Variants in CCDC33 observed in about 807,000 individuals in gnomAD.
The protein encoded by CCDC33 is coiled-coil domain-containing protein 33.
In CCDC33, 94 loss-of-function variants were observed where a neutral mutation model predicts 91.9. That is an observed-to-expected ratio of 1.02 (90% confidence interval 0.87 to 1.21). The LOEUF (loss-of-function observed/expected upper bound fraction) is 1.21. Among genes scored for constraint, CCDC33 ranks in the 50% most tolerant of loss-of-function variants. The pLI is 0.00. For synonymous variants in CCDC33, 396 were observed against 374.5 expected (o/e 1.06, Z -0.66); for missense variants, 940 against 935.5 (o/e 1.00, Z -0.06).
At chr15:74,237,985 G>T (rs1338133600) in intron 1 of CCDC33, among the ~76,000 whole-genome samples, 1 of 149,106 alleles carries the variant, frequency 6.7e-6, no homozygotes, top group Admixed American at 6.7e-5. Flanking sequence ...AAAATTAGCT[G>T]GGTGTGTTGG....
At chr15:74,237,424 C>A (rs1279858298) in intron 1 of CCDC33, among the ~76,000 whole-genome samples, 1 of 152,176 alleles carries the variant, frequency 6.6e-6, no homozygotes, top group Non-Finnish European at 1.5e-5. Flanking sequence ...ATGGTGTTAA[C>A]CCACAGGGAT....
At chr15:74,257,590 G>A (rs2075906077) in intron 2 of CCDC33, among the ~76,000 whole-genome samples, 1 of 152,210 alleles carries the variant, frequency 6.6e-6, no homozygotes, top group African/African-American at 2.4e-5. Flanking sequence ...GGGACTCGGG[G>A]GAGAACCACA....
At chr15:74,282,321 C>T (rs1218172249) in intron 10 of CCDC33, among the ~76,000 whole-genome samples, 1 of 152,146 alleles carries the variant, frequency 6.6e-6, no homozygotes, top group Admixed American at 6.5e-5. Flanking sequence ...AGGTGGCTGC[C>T]ACAATCCAGT....
chr15:74,279,951 C>T lies in CCDC33; in HGVS notation c.760-12C>T, dbSNP rs1202163564. On this transcript the variant is annotated splice_polypyrimidine_tract_variant and intron_variant, in intron 7 of 18. Coordinates refer to ENST00000398814, the MANE Select transcript of CCDC33 (RefSeq NM_025055.5). Reference sequence around the variant, plus strand: ...GTGGCCCCCACCACCTGCTCCTACCCTCTCCCTCCAGCTGTCCAAGCCTGG... The same window carrying T: ...GTGGCCCCCACCACCTGCTCCTACCTTCTCCCTCCAGCTGTCCAAGCCTGG... 37 of 1,613,276 alleles carry T rather than the reference C, an allele frequency of 2.3e-5. No homozygotes were observed. Among genetic ancestry groups the T allele is most frequent in the Non-Finnish European group, 2.8e-5 (33 of 1,179,614 alleles).
intron 1 of CCDC33, 56 bp downstream of exon 1, chr15:74,236,796 C>G (rs2075174620): frequency 6.4e-7 from 1 of 1,566,080 alleles, no homozygotes; most frequent in Non-Finnish European, 8.7e-7. Context: ...CCTTCAAAGT[C>G]CTTCCTTCAA....
intron 10 of CCDC33, among the ~76,000 whole-genome samples, chr15:74,287,266 TC>T (rs1358639664): frequency 1.3e-5 from 2 of 151,980 alleles, no homozygotes; most frequent in Non-Finnish European, 2.9e-5. Context: ...CCCCCAAGAC[TC>T]CATCTGTGAA....
chr15:74,304,347 C>T (rs1184609495), intron 11 of CCDC33: 1 of 152,258 alleles, frequency 6.6e-6, no homozygotes, highest in Non-Finnish European at 1.5e-5. Flanking sequence ...AAAAATCCCC[C>T]AGGCCTCTCC....
At position 74,330,969 on chromosome 15, in the gene CCDC33, C is replaced by A. The variant is rs2060421716; in HGVS notation, c.1546-12C>A. On this transcript the variant is annotated splice_polypyrimidine_tract_variant and intron_variant, in intron 13 of 18. Coordinates refer to ENST00000398814, the MANE Select transcript of CCDC33 (RefSeq NM_025055.5). ...CCCATTCTCTCCCCTTCTCTCCTCCCCCATCTCACAGAAGAATGATCGAGA... is the reference window on the plus strand; with the variant it reads ...CCCATTCTCTCCCCTTCTCTCCTCCACCATCTCACAGAAGAATGATCGAGA... 1.3e-6 allele frequency: 2 copies of A among 1,575,538 alleles called. No individual in the cohort carries two copies. Among genetic ancestry groups the A allele is most frequent in the Non-Finnish European group, 1.7e-6 (2 of 1,160,464 alleles).
At chr15:74,209,120 C>G in intron 1 of CCDC33, 1 of 1,319,016 alleles carries the variant, frequency 7.6e-7, no homozygotes, top group Non-Finnish European at 9.7e-7. Context: ...ATTCCGGGAT[C>G]AGAGGAACCC....
In CCDC33 at chr15:74,295,933, G is replaced by A. The variant is rs765507061; in HGVS notation, c.1275G>A (p.Glu425=). The A allele has an allele frequency of 6.2e-7, 1 of 1,612,624 alleles. No homozygotes were observed. The highest frequency in any genetic ancestry group is 2.2e-5 in the East Asian group (1 of 44,844). ...CAGAGGAGGAACCTCTGGTGCCTGA[G>A]ATGTCCCATGACACAGTGAGTGTCT... ...REAEEEPLVP[E]MSHDTEMNNY... Residue 425 remains glutamate (E), a synonymous_variant, in exon 11 of 19, where the codon GAG becomes GAA. Coordinates refer to ENST00000398814, the MANE Select transcript of CCDC33 (RefSeq NM_025055.5).
chr15:74,243,459 C>T (rs184981263), intron 1 of CCDC33, among the ~76,000 whole-genome samples: 2 of 152,344 alleles, frequency 1.3e-5, no homozygotes, highest in Admixed American at 1.3e-4. Context: ...TGGCCTGTCT[C>T]ATCCTGCAGG....
rs1022239459 is a variant in CCDC33, at chr15:74,237,944, A to G, written c.21+1204A>G. 3.3e-5 allele frequency among the ~76,000 whole-genome samples: 5 copies of G among 152,164 alleles called. No homozygotes were observed. In the East Asian group the frequency reaches 5.8e-4, roughly 18 times the overall value. ...GGAGTTTGAGACCAGCCTGGCCAAC[A>G]TGGTGAAACCCCATCTCTACTAAAA... On this transcript the variant is annotated intron_variant, in intron 1 of 18. Coordinates refer to ENST00000398814, the MANE Select transcript of CCDC33 (RefSeq NM_025055.5).
intron 11 of CCDC33, among the ~76,000 whole-genome samples, chr15:74,323,046 C>T (rs912644451): frequency 8.5e-5 from 13 of 152,148 alleles, no homozygotes; most frequent in Non-Finnish European, 1.9e-4. Context: ...CTCCCCTATG[C>T]ATCCCTCCCT....
intron 2 of CCDC33, chr15:74,221,479 C>G: frequency 1.0e-5 from 2 of 191,380 alleles, no homozygotes; most frequent in Non-Finnish European, 1.9e-5. Flanking sequence ...CAATGCTGGT[C>G]ACAGCATTCC....
chr15:74,276,405 C>G (rs1211355115), intron 7 of CCDC33, among the ~76,000 whole-genome samples: 3 of 152,212 alleles, frequency 2.0e-5, no homozygotes, highest in Admixed American at 2.0e-4. Flanking sequence ...TTGTTCTGGT[C>G]TCCTACAGAG....
chr15:74,209,579 T>G, intron 2 of CCDC33: 1 of 730,546 alleles, frequency 1.4e-6, no homozygotes, highest in South Asian at 1.9e-5. Context: ...CCCTCGGAGC[T>G]TTCTCTTCTA....
intron 11 of CCDC33, among the ~76,000 whole-genome samples, chr15:74,317,514 G>A (rs948556918): frequency 1.3e-5 from 2 of 152,234 alleles, no homozygotes; most frequent in Non-Finnish European, 2.9e-5. Context: ...CAGCAGGGGT[G>A]GAGATTTTGA....
chr15:74,238,487 C>T (rs1488347237), intron 1 of CCDC33, among the ~76,000 whole-genome samples: 1 of 150,632 alleles, frequency 6.6e-6, no homozygotes, highest in African/African-American at 2.4e-5. Context: ...ATCCCCAGTT[C>T]ATGTTTTTTA....
At chr15:74,260,726 A>G (rs2142366119) in intron 2 of CCDC33, among the ~76,000 whole-genome samples, 1 of 152,312 alleles carries the variant, frequency 6.6e-6, no homozygotes, top group South Asian at 2.1e-4. Flanking sequence ...TGGCCCGAGC[A>G]GCCAGACATT....
Sources: gnomAD v4.1 joint callset for allele counts (sites outside exome capture counted in the v4.1 genomes callset) on GRCh38, gnomAD v4.1.1 for gene constraint, MANE v1.5 for transcripts, NCBI Gene and HGNC (gene_info 2026-07-23, HGNC 2026-07-21) for gene names.